The following DOK5 variants were observed in gnomAD, a reference collection of about 807,000 sequenced individuals.
DOK5 encodes docking protein 5.
DOK5 carries 27 observed loss-of-function variants against 43.3 expected under a neutral mutation model. The observed-to-expected ratio is 0.62, with a 90% CI of 0.46 to 0.86. DOK5 has a LOEUF of 0.86. Ranked by LOEUF, DOK5 falls within the 40% of genes least tolerant of loss-of-function variation. The probability of loss-of-function intolerance (pLI) is 0.00; values close to 1 mark genes in which losing one functional copy is unlikely to be tolerated. For synonymous variants in DOK5, 146 were observed against 140.1 expected (o/e 1.04, Z -0.30); for missense variants, 373 against 392.9 (o/e 0.95, Z 0.43).
intron 5 of DOK5, among the ~76,000 whole-genome samples, chr20:54,605,012 AATAT>A (rs1555835479): frequency 8.3e-4 from 97 of 116,180 alleles, no homozygotes; most frequent in African/African-American, 3.9e-3. Flanking sequence ...AAAAAAAAAA[AATAT>A]ATATATATAC....
At chr20:54,547,486 A>AT (rs1984388503) in intron 1 of DOK5, among the ~76,000 whole-genome samples, 1 of 152,174 alleles carries the variant, frequency 6.6e-6, no homozygotes, top group Non-Finnish European at 1.5e-5. Flanking sequence ...TTCTAAGCAA[A>AT]TTCTTAATTG....
chr20:54,488,663 T>A (rs1012454556), intron 1 of DOK5, among the ~76,000 whole-genome samples: 4 of 152,010 alleles, frequency 2.6e-5, no homozygotes, highest in African/African-American at 9.7e-5. Flanking sequence ...TTTGCTTATG[T>A]ATTTTTCCTT....
chr20:54,624,765 T>C (rs1208431091), intron 6 of DOK5, among the ~76,000 whole-genome samples: 4 of 152,226 alleles, frequency 2.6e-5, no homozygotes, highest in Non-Finnish European at 5.9e-5. Flanking sequence ...AATAAATTGA[T>C]GCAAATCACT....
chr20:54,602,573 A>C lies in DOK5; in HGVS notation c.600-7815A>C, dbSNP rs76655188. ...CAGTTGGATGCCGCATGCCTGACAC[A>C]CATCTCTAAAACTTTCTAATGTACC... is the stretch of plus-strand genomic sequence containing the variant. On this transcript the variant is annotated intron_variant, in intron 5 of 7. Coordinates refer to ENST00000262593, the MANE Select transcript of DOK5 (RefSeq NM_018431.5). 2.9e-3 allele frequency among the ~76,000 whole-genome samples: 447 copies of C among 152,354 alleles called. 3 individuals are homozygous for C. The highest frequency in any genetic ancestry group is 0.01 in the African/African-American group (429 of 41,572).
intron 1 of DOK5, among the ~76,000 whole-genome samples, chr20:54,483,285 G>A (rs1463466306): frequency 2.0e-5 from 3 of 152,146 alleles, no homozygotes; most frequent in African/African-American, 4.8e-5. Context: ...TATTTTTAAA[G>A]CAGCTTTGTA....
At chr20:54,501,968 T>C (rs1311077317) in intron 1 of DOK5, among the ~76,000 whole-genome samples, 4 of 152,248 alleles carry the variant, frequency 2.6e-5, no homozygotes, top group Non-Finnish European at 5.9e-5. Context: ...ATGGAAAGCA[T>C]TGAATTTGGT....
chr20:54,600,311 G>T (rs1986266635), intron 5 of DOK5, among the ~76,000 whole-genome samples: 2 of 152,144 alleles, frequency 1.3e-5, no homozygotes, highest in Non-Finnish European at 2.9e-5. Flanking sequence ...CTCAGGGGCT[G>T]TGTAGAGTTG....
rs1981387139 is a variant in DOK5, at chr20:54,475,670, G to C, written c.-277G>C. Reference sequence around the variant, plus strand: ...CCGCCGCTCCTCCTCCTGGCAGGCCGGCCGCGGAGTCAGCTGACGCCGGCG... The same window carrying C: ...CCGCCGCTCCTCCTCCTGGCAGGCCCGCCGCGGAGTCAGCTGACGCCGGCG... On this transcript the variant is annotated 5_prime_UTR_variant, in exon 1 of 8. Coordinates refer to ENST00000262593, the MANE Select transcript of DOK5 (RefSeq NM_018431.5). This position sits in a 1 kb window ranked among gnomAD's most constrained non-coding sequence, Gnocchi z 4.2. The C allele has an allele frequency of 3.9e-6, 2 of 514,654 alleles. No homozygotes were observed. Among genetic ancestry groups the C allele is most frequent in the Admixed American group, 3.4e-5 (1 of 29,550 alleles). The allele number at this position is 514,654 out of a possible 1,614,324, so 31.9% of individuals were successfully genotyped here. A position where few individuals can be genotyped will look rare whatever the true frequency, so the allele number is the denominator to read the frequency against.
At chr20:54,643,313 A>T in intron 6 of DOK5, 145 bp from the exon 7 acceptor site, 1 of 1,119,388 alleles carries the variant, frequency 8.9e-7, no homozygotes, top group Admixed American at 2.2e-5. Flanking sequence ...GCTGGCCACC[A>T]TGCCCACCAC....
Position 54,644,712 on chromosome 20 carries a change from A to AC in DOK5, c.856+1134_856+1135insC, listed in dbSNP as rs781499554. On this transcript the variant is annotated intron_variant, in intron 7 of 7. Transcript: ENST00000262593. ...CAGAGAGAGACTCCGTCTCAAAAAA[A>AC]AAAAAAAAAAAACAAAATTTAGCTG... Among the ~76,000 whole-genome samples, 142 of 130,752 alleles carry AC rather than the reference A, an allele frequency of 1.1e-3. 1 individual carries two copies. The highest frequency in any genetic ancestry group is 7.8e-3 in the Middle Eastern group (2 of 258). The allele number at this position is 130,752 out of a possible 152,430, so 85.8% of individuals were successfully genotyped here.
intron 2 of DOK5, among the ~76,000 whole-genome samples, chr20:54,559,222 G>C (rs1984819265): frequency 2.0e-5 from 3 of 152,198 alleles, no homozygotes; most frequent in Non-Finnish European, 1.5e-5. Context: ...TAACACTTGA[G>C]AGGAAATAGA....
intron 7 of DOK5, among the ~76,000 whole-genome samples, chr20:54,645,389 C>G (rs1213265617): frequency 7.1e-6 from 1 of 140,034 alleles, no homozygotes; most frequent in African/African-American, 2.7e-5. Flanking sequence ...CATGCCCGCT[C>G]TGAACCCTCA....
At chr20:54,494,138 A>G (rs909555841) in intron 1 of DOK5, among the ~76,000 whole-genome samples, 2 of 152,246 alleles carry the variant, frequency 1.3e-5, no homozygotes, top group Middle Eastern at 3.4e-3. Context: ...TTTCCCTTAT[A>G]TTAAATGTTC....
chr20:54,536,776 G>A (rs551285495), intron 1 of DOK5, among the ~76,000 whole-genome samples: 7 of 152,300 alleles, frequency 4.6e-5, no homozygotes, highest in African/African-American at 1.2e-4. Context: ...GCCAAGTGGG[G>A]GACCTAGTCT....
rs386394048 is a variant in DOK5, at chr20:54,646,248, GT to G, written c.856+2694del. Among the ~76,000 whole-genome samples the G allele has an allele frequency of 6.3e-3, 504 of 79,874 alleles. 1 individual carries two copies. The highest frequency in any genetic ancestry group is 0.036 in the East Asian group (98 of 2,692). 52.4% of individuals were successfully genotyped at this position (79,874 alleles called of 152,430 possible). A position where few individuals can be genotyped will look rare whatever the true frequency, so the allele number is the denominator to read the frequency against. On this transcript the variant is annotated intron_variant, in intron 7 of 7. Transcript: ENST00000262593. ...TACTGTTATATCCACTGGTTATACT[GT>G]TTTTTTTTTTTTTTTTTTTTTTTGA...
chr20:54,607,871 A>G (rs1268129230), intron 5 of DOK5, among the ~76,000 whole-genome samples: 1 of 149,778 alleles, frequency 6.7e-6, no homozygotes, highest in Non-Finnish European at 1.5e-5. Context: ...CGACAGAGCG[A>G]GACTCCATCT....
At chr20:54,513,643 G>T (rs758230798) in intron 1 of DOK5, among the ~76,000 whole-genome samples, 9 of 152,206 alleles carry the variant, frequency 5.9e-5, no homozygotes, top group Non-Finnish European at 1.2e-4. Context: ...TTTTTAAAAC[G>T]TGAGATTATT....
intron 1 of DOK5, among the ~76,000 whole-genome samples, chr20:54,530,950 G>C (rs543988808): frequency 6.4e-4 from 97 of 152,268 alleles, no homozygotes; most frequent in South Asian, 2.7e-3. Flanking sequence ...ATATTATGAG[G>C]AACACTCTTG....
At chr20:54,628,271 T>C (rs1294859210) in intron 6 of DOK5, among the ~76,000 whole-genome samples, 3 of 150,528 alleles carry the variant, frequency 2.0e-5, no homozygotes, top group Admixed American at 6.6e-5. Context: ...TAGCCCGGCG[T>C]GGTGGCGGGC....
Sources: allele counts gnomAD v4.1 joint callset (sites outside exome capture counted in the v4.1 genomes callset), GRCh38; gene constraint gnomAD v4.1.1; non-coding constraint Gnocchi (gnomAD v3.1); transcripts MANE v1.5; gene names NCBI Gene and HGNC (gene_info 2026-07-23, HGNC 2026-07-21).